The following LRMDA variants were observed in gnomAD, a reference collection of about 807,000 sequenced individuals.
The protein encoded by LRMDA is leucine rich melanocyte differentiation associated.
A neutral mutation model predicts 29.8 loss-of-function variants in LRMDA; 18 were observed. The ratio of observed to expected loss-of-function variants is 0.60; its 90% CI spans 0.42 to 0.90. The LOEUF is 0.90. Ranked by LOEUF, LRMDA falls within the 40% of genes least tolerant of loss-of-function variation. The pLI, the probability that LRMDA is intolerant of heterozygous loss-of-function variation, is 0.00. For synonymous variants in LRMDA, 125 were observed against 109.4 expected (o/e 1.14, Z -0.89); for missense variants, 273 against 273.9 (o/e 1.00, Z 0.02).
chr10:75,697,850 T>TGTGTGTGTGC (rs10664076), intron 2 of LRMDA, among the ~76,000 whole-genome samples: 2,710 of 151,692 alleles, frequency 0.018, 92 homozygotes, highest in East Asian at 0.13. Context: ...TGTGTGTGTG[T>TGTGTGTGTGC]GCGTGTGTGT....
chr10:76,415,789 T>C (rs951380212), intron 6 of LRMDA, among the ~76,000 whole-genome samples: 2 of 152,144 alleles, frequency 1.3e-5, no homozygotes, highest in African/African-American at 4.8e-5. Flanking sequence ...CCATCATAGC[T>C]CAGCCTGCCA....
chr10:75,739,147 G>A (rs767774557), intron 2 of LRMDA, among the ~76,000 whole-genome samples: 2 of 152,194 alleles, frequency 1.3e-5, no homozygotes, highest in Non-Finnish European at 2.9e-5. Context: ...TAGCCAGTGC[G>A]GCGACTTTGA....
At chr10:76,351,152 T>G (rs1841171708) in intron 6 of LRMDA, among the ~76,000 whole-genome samples, 1 of 151,956 alleles carries the variant, frequency 6.6e-6, no homozygotes, top group Non-Finnish European at 1.5e-5. Context: ...GAATGTGATA[T>G]GTCAGGGGTT....
intron 5 of LRMDA, among the ~76,000 whole-genome samples, chr10:76,305,102 A>C (rs1840535465): frequency 6.6e-6 from 1 of 152,122 alleles, no homozygotes; most frequent in African/African-American, 2.4e-5. Flanking sequence ...GTGTCTCACT[A>C]CCATGCCTTA....
intron 6 of LRMDA, among the ~76,000 whole-genome samples, chr10:76,359,978 C>G (rs929282679): frequency 1.5e-4 from 23 of 151,908 alleles, no homozygotes; most frequent in Non-Finnish European, 2.5e-4. Context: ...GGTCCAGTGG[C>G]ATTTCTTTTT....
intron 2 of LRMDA, among the ~76,000 whole-genome samples, chr10:76,013,645 C>T (rs1324828617): frequency 3.3e-5 from 5 of 151,946 alleles, no homozygotes; most frequent in African/African-American, 1.2e-4. Context: ...CAGTTCCTTA[C>T]AAGTCCAGTA....
At chr10:76,135,740 G>C (rs963983785) in intron 5 of LRMDA, among the ~76,000 whole-genome samples, 1 of 151,244 alleles carries the variant, frequency 6.6e-6, no homozygotes, top group African/African-American at 2.4e-5. Flanking sequence ...TTCCCTCTAT[G>C]GATGTCTGTC....
chr10:75,452,575 C>CTTT (rs10636455), intron 2 of LRMDA, among the ~76,000 whole-genome samples: 72,091 of 117,028 alleles, frequency 0.62, 23,253 homozygotes, highest in East Asian at 0.7. Context: ...CAGGATATGA[C>CTTT]TTTTTTTTTT....
chr10:75,626,295 A>C (rs552398188), intron 2 of LRMDA, among the ~76,000 whole-genome samples: 1 of 152,156 alleles, frequency 6.6e-6, no homozygotes, highest in Admixed American at 6.5e-5. Context: ...ACAGCCCGAC[A>C]TCATTCCTCT....
intron 2 of LRMDA, among the ~76,000 whole-genome samples, chr10:75,500,166 C>A (rs200639102): frequency 2.1e-4 from 32 of 152,230 alleles, no homozygotes; most frequent in East Asian, 1.5e-3. Flanking sequence ...CTGATTGAAC[C>A]CCTGTTGCTC....
At chr10:75,932,619 A>C (rs929401836) in intron 2 of LRMDA, among the ~76,000 whole-genome samples, 7 of 152,038 alleles carry the variant, frequency 4.6e-5, no homozygotes, top group Non-Finnish European at 1.0e-4. Context: ...CTCAAACAAA[A>C]CAAACCAAAA....
intron 5 of LRMDA, among the ~76,000 whole-genome samples, chr10:76,178,349 A>G (rs1228967391): frequency 6.6e-6 from 1 of 152,218 alleles, no homozygotes; most frequent in Non-Finnish European, 1.5e-5. Context: ...TTAAGTTCCC[A>G]GTGAAGTCCT....
rs1361746543 is a variant in LRMDA, at chr10:76,376,557, A to AT, written c.601+52080dup. ...CAAGTGCAGGCAACTTTTTAATATA[A>AT]TTTTTTTTCCTTTGGGTAGATATGC... is the stretch of plus-strand genomic sequence containing the variant. On this transcript the variant is annotated intron_variant, in intron 6 of 6. Coordinates refer to ENST00000611255, the MANE Select transcript of LRMDA (RefSeq NM_001305581.2). 3.9e-5 allele frequency among the ~76,000 whole-genome samples: 6 copies of AT among 151,978 alleles called. No individual in the cohort carries two copies. In the East Asian group the frequency reaches 5.8e-4, roughly 15 times the overall value.
chr10:75,466,836 C>T (rs1589151896), intron 2 of LRMDA, among the ~76,000 whole-genome samples: 1 of 152,216 alleles, frequency 6.6e-6, no homozygotes, highest in East Asian at 1.9e-4. Context: ...CCCCTCTTCC[C>T]TAGATTCTCC....
intron 2 of LRMDA, among the ~76,000 whole-genome samples, chr10:75,839,866 G>A (rs939817737): frequency 2.6e-5 from 4 of 151,760 alleles, no homozygotes; most frequent in East Asian, 1.9e-4. Context: ...CCGCCACCGC[G>A]CCCGGCTAAG....
At chr10:75,655,401 G>A (rs554293432) in intron 2 of LRMDA, among the ~76,000 whole-genome samples, 1 of 152,328 alleles carries the variant, frequency 6.6e-6, no homozygotes, top group South Asian at 2.1e-4. Context: ...CATCCTGTTG[G>A]GATTGCCAGT....
chr10:75,471,007 G>T (rs1844719098), intron 2 of LRMDA, among the ~76,000 whole-genome samples: 1 of 152,162 alleles, frequency 6.6e-6, no homozygotes, highest in South Asian at 2.1e-4. Flanking sequence ...CTCATGGGTG[G>T]GTTGGTTTGT....
chr10:76,409,817 A>C (rs1023324612), intron 6 of LRMDA, among the ~76,000 whole-genome samples: 3 of 152,224 alleles, frequency 2.0e-5, no homozygotes, highest in African/African-American at 7.2e-5. Flanking sequence ...GGCAGTGTCC[A>C]GAATAAACTG....
At chr10:76,405,443 TG>T in intron 6 of LRMDA, among the ~76,000 whole-genome samples, 1 of 152,228 alleles carries the variant, frequency 6.6e-6, no homozygotes, top group East Asian at 1.9e-4. Context: ...ACAGGGGAGC[TG>T]GGGAGAAGCA....
Sources: gnomAD v4.1 joint callset for allele counts (sites outside exome capture counted in the v4.1 genomes callset) on GRCh38, gnomAD v4.1.1 for gene constraint, MANE v1.5 for transcripts, NCBI Gene and HGNC (gene_info 2026-07-23, HGNC 2026-07-21) for gene names.